The following AGTPBP1 variants were observed in gnomAD, a reference collection of about 807,000 sequenced individuals.
The protein encoded by AGTPBP1 is ATP/GTP binding carboxypeptidase 1, also known as cytosolic carboxypeptidase 1.
A neutral mutation model predicts 143.9 loss-of-function variants in AGTPBP1; 70 were observed. The ratio of observed to expected loss-of-function variants is 0.49; its 90% CI spans 0.40 to 0.59. The LOEUF (loss-of-function observed/expected upper bound fraction) is 0.59. AGTPBP1 is among the 20% of genes least tolerant of loss of function. The pLI, the probability that AGTPBP1 is intolerant of heterozygous loss-of-function variation, is 0.00. For synonymous variants in AGTPBP1, 463 were observed against 500.2 expected (o/e 0.93, Z 0.99); for missense variants, 1,229 against 1,464.5 (o/e 0.84, Z 2.62).
chr9:85,630,612 T>C (rs567934591), intron 14 of AGTPBP1, among the ~76,000 whole-genome samples: 6 of 152,154 alleles, frequency 3.9e-5, no homozygotes, highest in African/African-American at 1.2e-4. Flanking sequence ...CCTGAATAGT[T>C]TGGACTACAG....
intron 17 of AGTPBP1, among the ~76,000 whole-genome samples, chr9:85,603,712 G>C (rs1189934192): frequency 6.6e-6 from 1 of 152,026 alleles, no homozygotes; most frequent in Non-Finnish European, 1.5e-5. Flanking sequence ...TTGGCTTCTG[G>C]ACAGCATTTC....
At chr9:85,555,849 A>G (rs1587615908) in intron 25 of AGTPBP1, among the ~76,000 whole-genome samples, 1 of 152,256 alleles carries the variant, frequency 6.6e-6, no homozygotes, top group African/African-American at 2.4e-5. Flanking sequence ...AAACCAAAAC[A>G]CAGAAATAGA....
the AGTPBP1 span, chr9:85,753,403 G>A: frequency 2.5e-6 from 4 of 1,613,840 alleles, no homozygotes; most frequent in South Asian, 1.1e-5. Context: ...TCGTTTGGAA[G>A]TATAGACCAT....
intron 15 of AGTPBP1, among the ~76,000 whole-genome samples, 168 bp from the exon 16 acceptor site, chr9:85,619,469 T>G (rs1386956561): frequency 6.6e-6 from 1 of 152,206 alleles, no homozygotes; most frequent in Non-Finnish European, 1.5e-5. Flanking sequence ...TAAATGTGGA[T>G]AAGATTTATG....
chr9:85,695,846 CT>C (rs754228578), intron 2 of AGTPBP1, among the ~76,000 whole-genome samples: 136 of 145,228 alleles, frequency 9.4e-4, no homozygotes, highest in African/African-American at 1.5e-3. Context: ...TTTTCTTTTA[CT>C]TTTTTTTTTT....
chr9:85,585,495 A>C lies in AGTPBP1; in HGVS notation c.3133T>G (p.Ser1045Ala), dbSNP rs1828546472. ...CCCGTATCCTCCACAACATCACATG[A>C]AGTTGCATTATCATTGGTATGCCAC... ...TVWHTNDNAT[S>A]CDVVEDTGYR... Residue 1045 changes from serine (S) to alanine (A), a missense_variant, in exon 23 of 26, where the codon TCA (serine) becomes GCA (alanine). By Grantham distance (99) the Ser-to-Ala change is moderately conservative. Coordinates refer to ENST00000357081, the MANE Select transcript of AGTPBP1 (RefSeq NM_001330701.2). 2 of 1,609,390 alleles carry C rather than the reference A, an allele frequency of 1.2e-6. No homozygotes were observed. Among genetic ancestry groups the C allele is most frequent in the East Asian group, 4.5e-5 (2 of 44,618 alleles).
intron 10 of AGTPBP1, 31 bp downstream of exon 10, chr9:85,657,404 T>C: frequency 6.5e-7 from 1 of 1,533,782 alleles, no homozygotes; most frequent in Non-Finnish European, 8.9e-7. Flanking sequence ...TATTAGTACA[T>C]AATCACAATA....
intron 14 of AGTPBP1, among the ~76,000 whole-genome samples, chr9:85,630,251 C>A (rs1831569124): frequency 6.6e-6 from 1 of 152,174 alleles, no homozygotes. Flanking sequence ...GTGGGCCTCT[C>A]CTAAGGGGAA....
At chr9:85,633,841 C>T (rs539940280) in intron 13 of AGTPBP1, among the ~76,000 whole-genome samples, 8 of 148,810 alleles carry the variant, frequency 5.4e-5, no homozygotes, top group African/African-American at 9.9e-5. Context: ...GTAATAAATA[C>T]GATATATATT....
chr9:85,595,023 G>A (rs1829206802), intron 18 of AGTPBP1, among the ~76,000 whole-genome samples: 1 of 152,122 alleles, frequency 6.6e-6, no homozygotes, highest in South Asian at 2.1e-4. Context: ...TTTTATATTA[G>A]TCTACCACTA....
At chr9:85,690,397 C>G (rs924561036) in intron 3 of AGTPBP1, among the ~76,000 whole-genome samples, 3 of 152,198 alleles carry the variant, frequency 2.0e-5, no homozygotes, top group Non-Finnish European at 4.4e-5. Context: ...GGACAGTATT[C>G]AGGAGTTAGA....
intron 1 of AGTPBP1, chr9:85,741,201 A>G: frequency 1.0e-6 from 1 of 984,682 alleles, no homozygotes; most frequent in Non-Finnish European, 1.2e-6. Flanking sequence ...TAAACAGAAG[A>G]CACACTTCAG....
chr9:85,655,277 G>T lies in AGTPBP1; in HGVS notation c.953C>A (p.Ser318Tyr). 1.3e-6 allele frequency: 2 copies of T among 1,568,788 alleles called. No homozygotes were observed. The highest frequency in any genetic ancestry group is 1.7e-6 in the Non-Finnish European group (2 of 1,156,468). The change falls in exon 11 of 26, where the codon TCC becomes TAC. Residue 318 changes from serine (S) to tyrosine (Y), a missense_variant. Physicochemically the swap from Ser to Tyr is moderately radical, Grantham distance 144. Transcript: ENST00000357081. ...VRTLDPLVNTSSLIMRKCFPK... is the reference protein window; with the variant it reads ...VRTLDPLVNTYSLIMRKCFPK... ...GAAACACTTCCTCATTATCAGACTG[G>T]AGGTATTGACAAGAGGATCCAGAGT...
intron 1 of AGTPBP1, among the ~76,000 whole-genome samples, chr9:85,719,664 C>A (rs1454394994): frequency 6.6e-6 from 1 of 152,206 alleles, no homozygotes; most frequent in Non-Finnish European, 1.5e-5. Context: ...CTTTCTCTTG[C>A]CTGATTGCCC....
chr9:85,654,553 A>G (rs956943008), intron 11 of AGTPBP1, among the ~76,000 whole-genome samples: 1 of 152,174 alleles, frequency 6.6e-6, no homozygotes, highest in Non-Finnish European at 1.5e-5. Context: ...AAAAACATAC[A>G]TAAGTTGGGC....
chr9:85,639,219 A>C (rs1254248492), intron 13 of AGTPBP1, among the ~76,000 whole-genome samples: 1 of 151,848 alleles, frequency 6.6e-6, no homozygotes. Context: ...CCAATGAATC[A>C]AAAAAAATAA....
chr9:85,749,019 T>C, the AGTPBP1 span, among the ~76,000 whole-genome samples: 5 of 150,220 alleles, frequency 3.3e-5, no homozygotes, highest in South Asian at 6.4e-4. Flanking sequence ...TTTTTTTTTT[T>C]TGAGACAAGG....
the AGTPBP1 span, among the ~76,000 whole-genome samples, chr9:85,795,683 G>A: frequency 6.6e-6 from 1 of 152,186 alleles, no homozygotes; most frequent in African/African-American, 2.4e-5. Flanking sequence ...CTAACTTTTA[G>A]GGGTAAGGTA....
At chr9:85,701,584 A>G (rs1398187188) in intron 2 of AGTPBP1, among the ~76,000 whole-genome samples, 3 of 152,172 alleles carry the variant, frequency 2.0e-5, no homozygotes, top group African/African-American at 7.2e-5. Flanking sequence ...CAATTACTAT[A>G]TTGTAGGAGT....
Sources: allele counts gnomAD v4.1 joint callset (sites outside exome capture counted in the v4.1 genomes callset), GRCh38; gene constraint gnomAD v4.1.1; transcripts MANE v1.5; gene names NCBI Gene and HGNC (gene_info 2026-07-23, HGNC 2026-07-21).